The following RAB38 variants were observed in gnomAD, a reference collection of about 807,000 sequenced individuals.
The protein encoded by RAB38 is RAB38, member RAS oncogene family.
Under a neutral mutation model 18.4 loss-of-function variants are expected in RAB38, and 15 were observed. The observed-to-expected ratio is 0.82, with a 90% confidence interval of 0.55 to 1.26. The LOEUF (loss-of-function observed/expected upper bound fraction) is 1.26. RAB38 is among the 50% of genes most tolerant of loss of function. The pLI is 0.00. For synonymous variants in RAB38, 101 were observed against 104.4 expected, an observed-to-expected ratio of 0.97 and a Z score of 0.20; for missense variants, 294 against 267.4, an observed-to-expected ratio of 1.10 and a Z score of -0.69.
chr11:87,919,707 C>T, the RAB38 span, among the ~76,000 whole-genome samples: 4 of 151,924 alleles, frequency 2.6e-5, no homozygotes, highest in Non-Finnish European at 5.9e-5. Context: ...TGGTAGAATT[C>T]AGCATTGAAG....
At position 88,175,172 on chromosome 11, in the gene RAB38, C is replaced by A. The variant is rs548652145; in HGVS notation, c.202+11G>T. On this transcript the variant is annotated intron_variant, in intron 1 of 2. Transcript: ENST00000243662. The stretch of plus-strand genomic sequence containing the variant: ...CGCTCTATCCCCCTGACCCCCTCCC[C>A]CCGCGCTCACCTGCGATATCCCAGA... The A allele has an allele frequency of 5.9e-5, 93 of 1,586,534 alleles. No individual in the cohort carries two copies. The highest frequency in any genetic ancestry group is 3.3e-5 in the Non-Finnish European group (39 of 1,164,796).
At chr11:88,136,434 TA>T (rs1356424126) in intron 2 of RAB38, among the ~76,000 whole-genome samples, 1 of 152,098 alleles carries the variant, frequency 6.6e-6, no homozygotes, top group Admixed American at 6.6e-5. Context: ...AAATCAATAC[TA>T]AAAAAGTAAA....
the RAB38 span, among the ~76,000 whole-genome samples, chr11:87,955,099 G>T: frequency 6.6e-6 from 1 of 152,202 alleles, no homozygotes; most frequent in African/African-American, 2.4e-5. Flanking sequence ...GCATGCAGTA[G>T]TGTTCACTGG....
At chr11:87,842,212 G>T in the RAB38 span, among the ~76,000 whole-genome samples, 2 of 152,124 alleles carry the variant, frequency 1.3e-5, no homozygotes, top group East Asian at 1.9e-4. Context: ...TAATGTGAAG[G>T]GAGAAGATGA....
chr11:88,052,771 G>A, the RAB38 span, among the ~76,000 whole-genome samples: 2 of 150,822 alleles, frequency 1.3e-5, no homozygotes. Flanking sequence ...TGACAGCAAG[G>A]AATCTTTCAG....
the RAB38 span, among the ~76,000 whole-genome samples, chr11:88,036,020 C>T: frequency 6.6e-6 from 1 of 151,876 alleles, no homozygotes; most frequent in Non-Finnish European, 1.5e-5. Context: ...AATTAAAATC[C>T]AGGTTTTATA....
At chr11:88,044,236 C>T in the RAB38 span, among the ~76,000 whole-genome samples, 2 of 152,204 alleles carry the variant, frequency 1.3e-5, no homozygotes, top group East Asian at 3.9e-4. Flanking sequence ...GAGACACCTG[C>T]CTTGGTCCTT....
At chr11:87,819,716 A>G in the RAB38 span, among the ~76,000 whole-genome samples, 1 of 2,800 alleles carries the variant, frequency 3.6e-4, no homozygotes, top group Non-Finnish European at 1.1e-3. Context: ...ATATATATAT[A>G]CGTGTATGTA....
the RAB38 span, among the ~76,000 whole-genome samples, chr11:88,076,563 A>T: frequency 2.0e-5 from 3 of 152,212 alleles, no homozygotes; most frequent in Non-Finnish European, 4.4e-5. Context: ...TGATAAATGA[A>T]TTCTGTAACA....
In RAB38 at chr11:88,175,255, C is replaced by A; in HGVS notation, c.130G>T (p.Val44Leu). Residue 44 changes from valine to leucine, a missense_variant, in exon 1 of 3, where the codon GTG (valine) becomes TTG (leucine). Transcript: ENST00000243662. The part of the protein sequence containing the change: ...FSSHYRATIG[V>L]DFALKVLHWD... ...TGGAGCACCTTGAGCGCGAAGTCCA[C>A]GCCGATTGTGGCCCGGTAGTGCGAA... is the stretch of plus-strand genomic sequence containing the variant. The A allele has an allele frequency of 6.2e-7, 1 of 1,614,156 alleles. No individual in the cohort carries two copies.
chr11:88,164,610 A>G (rs1943226870), intron 1 of RAB38, among the ~76,000 whole-genome samples: 2 of 140,822 alleles, frequency 1.4e-5, no homozygotes, highest in Non-Finnish European at 3.2e-5. Context: ...AACAAAAATA[A>G]TTTTCTTTTA....
the RAB38 span, among the ~76,000 whole-genome samples, chr11:88,029,705 T>C: frequency 6.6e-6 from 1 of 151,966 alleles, no homozygotes; most frequent in Non-Finnish European, 1.5e-5. Context: ...ATGCACCCAA[T>C]ACAGGAGCAC....
chr11:88,015,442 T>C, the RAB38 span, among the ~76,000 whole-genome samples: 64 of 152,146 alleles, frequency 4.2e-4, no homozygotes, highest in Non-Finnish European at 4.4e-4. Context: ...CACTACAATA[T>C]GGTTTGCTAT....
chr11:87,837,450 G>C, the RAB38 span, among the ~76,000 whole-genome samples: 11 of 152,156 alleles, frequency 7.2e-5, no homozygotes, highest in Non-Finnish European at 1.5e-5. Flanking sequence ...AACATCTAGA[G>C]CTCTCGAATG....
At chr11:87,856,382 A>C in the RAB38 span, among the ~76,000 whole-genome samples, 1 of 152,196 alleles carries the variant, frequency 6.6e-6, no homozygotes, top group Non-Finnish European at 1.5e-5. Flanking sequence ...TGAGTCTCTG[A>C]GTAACTGTGT....
At chr11:88,168,412 T>C (rs1260451611) in intron 1 of RAB38, among the ~76,000 whole-genome samples, 1 of 152,190 alleles carries the variant, frequency 6.6e-6, no homozygotes, top group Non-Finnish European at 1.5e-5. Flanking sequence ...TGTCTTCTCA[T>C]CTCCATGTTA....
chr11:88,109,520 T>C (rs2134759087), downstream of RAB38, among the ~76,000 whole-genome samples: 1 of 152,154 alleles, frequency 6.6e-6, no homozygotes, highest in South Asian at 2.1e-4. Context: ...AATTGACAAA[T>C]GGGATCTAAT....
the RAB38 span, among the ~76,000 whole-genome samples, chr11:87,972,475 A>T: frequency 6.6e-6 from 1 of 152,044 alleles, no homozygotes; most frequent in African/African-American, 2.4e-5. Flanking sequence ...ATACTGAATG[A>T]ACAGAGATAG....
chr11:88,137,217 C>T (rs1378486019), intron 2 of RAB38, among the ~76,000 whole-genome samples: 2 of 152,196 alleles, frequency 1.3e-5, no homozygotes, highest in African/African-American at 4.8e-5. Context: ...TTTCTAGACA[C>T]ACAGAGCTCA....
Sources: gnomAD v4.1 joint callset for allele counts (sites outside exome capture counted in the v4.1 genomes callset) on GRCh38, gnomAD v4.1.1 for gene constraint, MANE v1.5 for transcripts, NCBI Gene and HGNC (gene_info 2026-07-23, HGNC 2026-07-21) for gene names.